Variants in WFDC2 observed in about 807,000 individuals in gnomAD.
The protein encoded by WFDC2 is WAP four-disulfide core domain 2.
In WFDC2, 8 loss-of-function variants were observed where a neutral mutation model predicts 12.5. That is an observed-to-expected ratio of 0.64 (90% CI 0.37 to 1.15). The LOEUF (loss-of-function observed/expected upper bound fraction) is 1.15. Ranked by LOEUF, WFDC2 falls within the 50% of genes most tolerant of loss-of-function variation. WFDC2 has a pLI of 0.01. For synonymous variants in WFDC2, 74 were observed against 67.2 expected, an observed-to-expected ratio of 1.10 and a Z score of -0.49; for missense variants, 166 against 159.9, an observed-to-expected ratio of 1.04 and a Z score of -0.21.
chr20:45,476,560 C>T (rs1991235311), intron 2 of WFDC2, among the ~76,000 whole-genome samples: 1 of 152,216 alleles, frequency 6.6e-6, no homozygotes, highest in Non-Finnish European at 1.5e-5. Flanking sequence ...TGAAGGGCCT[C>T]CCATAGTGGG....
intron 2 of WFDC2, among the ~76,000 whole-genome samples, chr20:45,472,961 A>G (rs1265131203): frequency 6.6e-6 from 1 of 152,076 alleles, no homozygotes; most frequent in Non-Finnish European, 1.5e-5. Flanking sequence ...AGCATTTTTC[A>G]TGTTTGTTGG....
intron 2 of WFDC2, chr20:45,479,462 T>G: frequency 1.8e-6 from 1 of 566,602 alleles, no homozygotes; most frequent in Admixed American, 3.1e-5. Flanking sequence ...TCTTTTAGGA[T>G]TATTGTGAGA....
chr20:45,480,143 A>T, intron 3 of WFDC2, 49 bp downstream of exon 3: 4 of 1,604,782 alleles, frequency 2.5e-6, no homozygotes, highest in Non-Finnish European at 3.4e-6. Context: ...GTGTTGTGGG[A>T]AACAGGAGAA....
Position 45,470,599 on chromosome 20 carries a change from C to A in WFDC2, c.223+67C>A, listed in dbSNP as rs565868209. The A allele has an allele frequency of 6.7e-7, 1 of 1,484,856 alleles. No homozygotes were observed. Among genetic ancestry groups the A allele is most frequent in the Admixed American group, 2.3e-5 (1 of 43,302 alleles). 92.0% of individuals were successfully genotyped at this position (1,484,856 alleles called of 1,614,324 possible). A position where few individuals can be genotyped will look rare whatever the true frequency, so the allele number is the denominator to read the frequency against. On this transcript the variant is annotated intron_variant, in intron 2 of 3. Coordinates refer to ENST00000372676, the MANE Select transcript of WFDC2 (RefSeq NM_006103.4). This position sits in a 1 kb window ranked among gnomAD's most constrained non-coding sequence, Gnocchi z 5.4. Reference sequence around the variant, plus strand: ...CTGGGCTGGGAGGAGGTGGGAGGGCCCGGGTTCCGGGAACAGGGGCGCCCC... The same window carrying A: ...CTGGGCTGGGAGGAGGTGGGAGGGCACGGGTTCCGGGAACAGGGGCGCCCC...
At position 45,475,565 on chromosome 20, in the gene WFDC2, T is replaced by G. The variant is rs551924890; in HGVS notation, c.224-4377T>G. On this transcript the variant is annotated intron_variant, in intron 2 of 3. Transcript: ENST00000372676. ...AGAGACTGTTAGGATTTCCGTTCTT[T>G]TGCATTTGCTAATTAGTGTTTTACT... Among the ~76,000 whole-genome samples the G allele has an allele frequency of 1.2e-4, 19 of 152,346 alleles. No homozygotes were observed. In the East Asian group the frequency reaches 2.3e-3, roughly 19 times the overall value.
In WFDC2 at chr20:45,469,770, G is replaced by T; in HGVS notation, c.-12G>T. ...ATCGGCTCACACCTGCACCCCGCCCGGGCATAGCACCATGCCTGCTTGTCG... is the reference window on the plus strand; with the variant it reads ...ATCGGCTCACACCTGCACCCCGCCCTGGCATAGCACCATGCCTGCTTGTCG... On this transcript the variant is annotated 5_prime_UTR_variant, in exon 1 of 4. Transcript: ENST00000372676. 6.9e-7 allele frequency: 1 copy of T among 1,442,242 alleles called. No homozygotes were observed. The highest frequency in any genetic ancestry group is 9.3e-7 in the Non-Finnish European group (1 of 1,073,470). The allele number at this position is 1,442,242 out of a possible 1,614,324, so 89.3% of individuals were successfully genotyped here.
chr20:45,475,901 G>A (rs1991226903), intron 2 of WFDC2, among the ~76,000 whole-genome samples: 1 of 152,142 alleles, frequency 6.6e-6, no homozygotes. Flanking sequence ...AGCTCTTCTT[G>A]TTGCATTGAT....
chr20:45,478,900 C>T (rs948721432), intron 2 of WFDC2, among the ~76,000 whole-genome samples: 4 of 152,206 alleles, frequency 2.6e-5, no homozygotes, highest in South Asian at 4.1e-4. Context: ...CCACTGCACC[C>T]GGTGATCTGT....
intron 2 of WFDC2, among the ~76,000 whole-genome samples, chr20:45,475,045 T>C (rs768134048): frequency 4.6e-5 from 7 of 152,208 alleles, no homozygotes; most frequent in Non-Finnish European, 5.9e-5. Context: ...CATTTTTTAT[T>C]GTGTCTATTT....
At chr20:45,474,670 C>T (rs1032532452) in intron 2 of WFDC2, among the ~76,000 whole-genome samples, 1 of 152,120 alleles carries the variant, frequency 6.6e-6, no homozygotes, top group Non-Finnish European at 1.5e-5. Flanking sequence ...GTTTTAGTAT[C>T]AGGATGATGC....
At chr20:45,479,810 A>G in intron 2 of WFDC2, 132 bp from the exon 3 acceptor site, 1 of 1,613,308 alleles carries the variant, frequency 6.2e-7, no homozygotes, top group Non-Finnish European at 8.5e-7. Context: ...CAGGTGCCCA[A>G]GATGGACTCA....
intron 3 of WFDC2, among the ~76,000 whole-genome samples, chr20:45,480,586 C>T (rs1372378943): frequency 6.6e-6 from 1 of 152,176 alleles, no homozygotes; most frequent in East Asian, 1.9e-4. Flanking sequence ...CATTGCACTC[C>T]AGCCTGGGCA....
intron 2 of WFDC2, among the ~76,000 whole-genome samples, chr20:45,471,672 G>A (rs1991174041): frequency 6.6e-6 from 1 of 152,186 alleles, no homozygotes; most frequent in Non-Finnish European, 1.5e-5. Context: ...GCAGGCAGCA[G>A]CCAGATGAGA....
chr20:45,478,318 G>A (rs570116213), intron 2 of WFDC2, among the ~76,000 whole-genome samples: 2 of 152,206 alleles, frequency 1.3e-5, no homozygotes, highest in Admixed American at 1.3e-4. Flanking sequence ...CTCTTGGTCT[G>A]TGGGTTGTGA....
At chr20:45,477,448 G>T (rs1991246610) in intron 2 of WFDC2, among the ~76,000 whole-genome samples, 1 of 152,190 alleles carries the variant, frequency 6.6e-6, no homozygotes, top group Non-Finnish European at 1.5e-5. Flanking sequence ...CAGGTCTGTT[G>T]GCGTTTGCTG....
At chr20:45,478,449 T>C (rs1991260273) in intron 2 of WFDC2, among the ~76,000 whole-genome samples, 1 of 152,122 alleles carries the variant, frequency 6.6e-6, no homozygotes, top group African/African-American at 2.4e-5. Flanking sequence ...CCAGGTGAGA[T>C]GATGCCCTAC....
Position 45,476,077 on chromosome 20 carries a change from T to G in WFDC2, c.224-3865T>G, listed in dbSNP as rs560428149. 2.2e-3 allele frequency among the ~76,000 whole-genome samples: 333 copies of G among 152,340 alleles called. 1 individual carries two copies. Among genetic ancestry groups the G allele is most frequent in the African/African-American group, 7.8e-3 (324 of 41,580 alleles). On this transcript the variant is annotated intron_variant, in intron 2 of 3. Transcript: ENST00000372676. ...TTTTGAGCCTATGTGTCTTTGCACTTGAGATGGGTCTCCTGAATACAGCAC... is the reference window on the plus strand; with the variant it reads ...TTTTGAGCCTATGTGTCTTTGCACTGGAGATGGGTCTCCTGAATACAGCAC...
In WFDC2 at chr20:45,469,765, C is replaced by T. The variant is rs756770584; in HGVS notation, c.-17C>T. 2.2e-5 allele frequency: 36 copies of T among 1,602,328 alleles called. No homozygotes were observed. Among genetic ancestry groups the T allele is most frequent in the Non-Finnish European group, 2.0e-5 (23 of 1,174,452 alleles). ...TGAGCATCGGCTCACACCTGCACCCCGCCCGGGCATAGCACCATGCCTGCT... is the reference window on the plus strand; with the variant it reads ...TGAGCATCGGCTCACACCTGCACCCTGCCCGGGCATAGCACCATGCCTGCT... On this transcript the variant is annotated 5_prime_UTR_variant, in exon 1 of 4. Coordinates refer to ENST00000372676, the MANE Select transcript of WFDC2 (RefSeq NM_006103.4).
At chr20:45,471,698 A>G (rs1288563042) in intron 2 of WFDC2, among the ~76,000 whole-genome samples, 1 of 152,164 alleles carries the variant, frequency 6.6e-6, no homozygotes, top group Non-Finnish European at 1.5e-5. Flanking sequence ...GGAGGAGCAA[A>G]GGAGGGAGTC....
Sources: gnomAD v4.1 joint callset for allele counts (sites outside exome capture counted in the v4.1 genomes callset) on GRCh38, gnomAD v4.1.1 for gene constraint, Gnocchi (gnomAD v3.1) non-coding constraint, MANE v1.5 for transcripts, NCBI Gene and HGNC (gene_info 2026-07-23, HGNC 2026-07-21) for gene names.